YEATS4: variants seen among roughly 807,000 people sequenced by gnomAD.
YEATS4 encodes the protein YEATS domain-containing protein 4.
YEATS4 carries 17 observed loss-of-function variants against 30.1 expected under a neutral mutation model. The ratio of observed to expected loss-of-function variants is 0.56; its 90% CI spans 0.39 to 0.85. The LOEUF (loss-of-function observed/expected upper bound fraction) is 0.85. Among genes scored for constraint, YEATS4 ranks in the 40% least tolerant of loss-of-function variants. YEATS4 has a pLI of 0.00. For synonymous variants in YEATS4, 85 were observed against 87.5 expected, an observed-to-expected ratio of 0.97 and a Z score of 0.16; for missense variants, 142 against 268.3, an observed-to-expected ratio of 0.53 and a Z score of 3.29.
chr12:69,409,730 C>G, the YEATS4 span, among the ~76,000 whole-genome samples: 6 of 151,998 alleles, frequency 3.9e-5, no homozygotes, highest in African/African-American at 1.5e-4. Context: ...AAGTCCTAAA[C>G]CCCAGTATCT....
intron 6 of YEATS4, among the ~76,000 whole-genome samples, chr12:69,379,627 G>T (rs1284762534): frequency 9.2e-6 from 1 of 109,148 alleles, no homozygotes. Context: ...TTTTGGTGGA[G>T]ATGGGGTTTT....
At chr12:69,383,891 A>G (rs1004865694) in intron 6 of YEATS4, among the ~76,000 whole-genome samples, 1 of 152,184 alleles carries the variant, frequency 6.6e-6, no homozygotes, top group African/African-American at 2.4e-5. Context: ...TATTGTTTTC[A>G]GGGGGAAATA....
chr12:69,375,378 A>G (rs1875823620), intron 6 of YEATS4, among the ~76,000 whole-genome samples: 2 of 149,536 alleles, frequency 1.3e-5, no homozygotes, highest in African/African-American at 5.0e-5. Context: ...CACTTCCTAG[A>G]CGGGATGACG....
intron 6 of YEATS4, among the ~76,000 whole-genome samples, chr12:69,375,366 C>G (rs1875823059): frequency 6.6e-6 from 1 of 151,586 alleles, no homozygotes; most frequent in Non-Finnish European, 1.5e-5. Context: ...AGAGACGCTC[C>G]TCACTTCCTA....
At chr12:69,389,332 C>G (rs567483750) in intron 6 of YEATS4, among the ~76,000 whole-genome samples, 1 of 151,392 alleles carries the variant, frequency 6.6e-6, no homozygotes, top group African/African-American at 2.4e-5. Flanking sequence ...CACCTGTAGT[C>G]CCAACTACTC....
the YEATS4 span, among the ~76,000 whole-genome samples, chr12:69,397,272 C>T: frequency 6.6e-6 from 1 of 152,182 alleles, no homozygotes; most frequent in Non-Finnish European, 1.5e-5. Flanking sequence ...CCTAGTACCT[C>T]AGACTGTGAC....
At chr12:69,415,109 A>C in the YEATS4 span, among the ~76,000 whole-genome samples, 1 of 152,196 alleles carries the variant, frequency 6.6e-6, no homozygotes, top group Non-Finnish European at 1.5e-5. Context: ...CATAAGGAGC[A>C]GCACTTTGAC....
chr12:69,400,081 T>G, the YEATS4 span, among the ~76,000 whole-genome samples: 1 of 151,858 alleles, frequency 6.6e-6, no homozygotes, highest in African/African-American at 2.4e-5. Context: ...GTGAATATAC[T>G]AAAAACAACT....
At chr12:69,395,733 C>G (rs982167157), downstream of YEATS4, among the ~76,000 whole-genome samples, 15 of 152,138 alleles carry the variant, frequency 9.9e-5, 1 homozygote, top group East Asian at 2.5e-3. Flanking sequence ...TGTGACAGTT[C>G]AAAGAAATTA....
At chr12:69,405,169 C>T in the YEATS4 span, among the ~76,000 whole-genome samples, 1 of 152,182 alleles carries the variant, frequency 6.6e-6, no homozygotes, top group African/African-American at 2.4e-5. Context: ...TAATTGATTC[C>T]TATGCAGTAG....
rs547143130 is a variant in YEATS4, at chr12:69,390,476, C to T, written c.*160C>T. ...GCAATAGGAATTTGTACTATTTAAG[C>T]AATCTTTAATGGAAAATATGTGTGT... On this transcript the variant is annotated 3_prime_UTR_variant, in exon 7 of 7. Coordinates refer to ENST00000247843, the MANE Select transcript of YEATS4 (RefSeq NM_006530.4). 2.4e-5 allele frequency: 14 copies of T among 583,294 alleles called. No individual in the cohort carries two copies. The highest frequency in any genetic ancestry group is 3.3e-5 in the Non-Finnish European group (12 of 368,806). 36.1% of individuals were successfully genotyped at this position (583,294 alleles called of 1,614,324 possible).
chr12:69,381,647 AGGC>A (rs1438300112), intron 6 of YEATS4, among the ~76,000 whole-genome samples: 1 of 152,242 alleles, frequency 6.6e-6, no homozygotes, highest in Non-Finnish European at 1.5e-5. Context: ...TAGTAAAGAC[AGGC>A]GTAAGAAATT....
the YEATS4 span, among the ~76,000 whole-genome samples, chr12:69,398,046 C>A: frequency 6.6e-6 from 1 of 152,094 alleles, no homozygotes; most frequent in Non-Finnish European, 1.5e-5. Context: ...TAAAAAAACA[C>A]TCAACGAATT....
At position 69,359,940 on chromosome 12, in the gene YEATS4, C is replaced by T. The variant is rs756991066; in HGVS notation, c.-33C>T. On this transcript the variant is annotated 5_prime_UTR_variant, in exon 1 of 7. Coordinates refer to ENST00000247843, the MANE Select transcript of YEATS4 (RefSeq NM_006530.4). ...CGACCCCGCCAGCCCCGGTCTCTTT[C>T]CCTGGCGGCGGCGGCTTCTTCCGTG... The T allele has an allele frequency of 3.7e-6, 6 of 1,611,606 alleles. No homozygotes were observed. Among genetic ancestry groups the T allele is most frequent in the South Asian group, 1.1e-5 (1 of 90,834 alleles).
the YEATS4 span, among the ~76,000 whole-genome samples, chr12:69,411,327 G>A: frequency 1.6e-4 from 24 of 152,134 alleles, no homozygotes; most frequent in Admixed American, 4.6e-4. Context: ...ATGGGGTTTC[G>A]CCATGTTGCC....
chr12:69,364,466 T>C (rs1875352311), intron 2 of YEATS4, among the ~76,000 whole-genome samples: 1 of 152,244 alleles, frequency 6.6e-6, no homozygotes, highest in Non-Finnish European at 1.5e-5. Flanking sequence ...TAATGAATTA[T>C]ATATTTTAAA....
rs1451236622 is a variant in YEATS4 at position 69,375,206 on chromosome 12, G to A, written c.514+4231G>A. On this transcript the variant is annotated intron_variant, in intron 6 of 6. Transcript: ENST00000247843. ...TCAGACGGGGCGGCCGGTCAGAGAC[G>A]CTCCTCACCTCCCAGACGGGGTGGC... Among the ~76,000 whole-genome samples the A allele has an allele frequency of 9.0e-4, 134 of 148,140 alleles. 1 individual carries two copies. Among genetic ancestry groups the A allele is most frequent in the African/African-American group, 3.2e-3 (128 of 39,934 alleles).
intron 6 of YEATS4, among the ~76,000 whole-genome samples, chr12:69,385,835 A>G (rs1449452421): frequency 6.6e-6 from 1 of 152,230 alleles, no homozygotes; most frequent in Admixed American, 6.5e-5. Context: ...ATACTCTAAA[A>G]TAACCCTAGG....
Position 69,362,801 on chromosome 12 carries a change from T to G in YEATS4, c.65T>G (p.Val22Gly). Residue 22 changes from valine (V) to glycine (G), a missense_variant, in exon 2 of 7, where the codon GTT (valine) becomes GGT (glycine). Coordinates refer to ENST00000247843, the MANE Select transcript of YEATS4 (RefSeq NM_006530.4). ...SGGRVKGVTIVKPIVYGNVAR... is the reference protein window; with the variant it reads ...SGGRVKGVTIGKPIVYGNVAR... ...TTTTTCTTTTAGGGTGTTACTATCG[T>G]TAAACCAATAGTTTACGGTAATGTT... 1 of 1,606,508 alleles carries G rather than the reference T, an allele frequency of 6.2e-7. No individual in the cohort carries two copies. Among genetic ancestry groups the G allele is most frequent in the Non-Finnish European group, 8.5e-7 (1 of 1,175,496 alleles).
Sources: gnomAD v4.1 joint callset for allele counts (sites outside exome capture counted in the v4.1 genomes callset) on GRCh38, gnomAD v4.1.1 for gene constraint, MANE v1.5 for transcripts, NCBI Gene and HGNC (gene_info 2026-07-23, HGNC 2026-07-21) for gene names.